FIP1L1: variants seen among roughly 807,000 people sequenced by gnomAD.
FIP1L1 encodes factor interacting with PAPOLA and CPSF1, also known as pre-mRNA 3'-end-processing factor FIP1.
Under a neutral mutation model 84.6 loss-of-function variants are expected in FIP1L1, and 21 were observed. That is an observed-to-expected ratio of 0.25 (90% CI 0.18 to 0.36). FIP1L1 has a LOEUF of 0.36. Ranked by LOEUF, FIP1L1 falls within the 10% of genes least tolerant of loss-of-function variation. The pLI is 1.00. For missense variants in FIP1L1, 526 were observed against 751.1 expected, an observed-to-expected ratio of 0.70 and a Z score of 3.50; for synonymous variants, 263 against 242.3, an observed-to-expected ratio of 1.09 and a Z score of -0.80.
At chr4:53,441,473 A>G (rs1771907571) in intron 13 of FIP1L1, among the ~76,000 whole-genome samples, 2 of 152,072 alleles carry the variant, frequency 1.3e-5, no homozygotes, top group South Asian at 4.1e-4. Context: ...AGTTTAAAAA[A>G]CAATGTGGTT....
chr4:53,401,447 G>A (rs1385622308), intron 10 of FIP1L1, among the ~76,000 whole-genome samples: 1 of 152,202 alleles, frequency 6.6e-6, no homozygotes, highest in Non-Finnish European at 1.5e-5. Flanking sequence ...AGACTACAGA[G>A]TTACTTAGGG....
intron 9 of FIP1L1, among the ~76,000 whole-genome samples, chr4:53,394,824 C>T (rs1746376527): frequency 6.6e-6 from 1 of 151,456 alleles, no homozygotes; most frequent in Non-Finnish European, 1.5e-5. Flanking sequence ...TTTAAAATAG[C>T]TACATAGTTT....
At chr4:53,438,670 C>T (rs763015029) in intron 13 of FIP1L1, among the ~76,000 whole-genome samples, 7 of 152,026 alleles carry the variant, frequency 4.6e-5, no homozygotes, top group Non-Finnish European at 1.0e-4. Context: ...TTTGTCTGTC[C>T]TATGATACTG....
Position 53,459,518 on chromosome 4 carries a change from A to T in FIP1L1, c.*69A>T, listed in dbSNP as rs753810033. ...ACTATAAATCTTGTTATTTTTCTGG[A>T]TAATGTTTAAGAAATTTACCTTAAA... On this transcript the variant is annotated 3_prime_UTR_variant, in exon 18 of 18. Coordinates refer to ENST00000337488, the MANE Select transcript of FIP1L1 (RefSeq NM_030917.4). The T allele has an allele frequency of 6.3e-7, 1 of 1,596,242 alleles. No individual in the cohort carries two copies. The highest frequency in any genetic ancestry group is 1.1e-5 in the South Asian group (1 of 88,504).
chr4:53,405,457 G>C (rs1397449082), intron 10 of FIP1L1, among the ~76,000 whole-genome samples: 3 of 152,012 alleles, frequency 2.0e-5, no homozygotes, highest in Non-Finnish European at 4.4e-5. Context: ...CCTCCAGTTT[G>C]TTCTTTTGGC....
intron 10 of FIP1L1, among the ~76,000 whole-genome samples, chr4:53,408,522 C>T (rs1336951723): frequency 6.6e-6 from 1 of 152,036 alleles, no homozygotes; most frequent in Non-Finnish European, 1.5e-5. Context: ...TCTGTATTTC[C>T]TCAATTTGAA....
At chr4:53,450,266 A>G (rs1392039546) in intron 15 of FIP1L1, among the ~76,000 whole-genome samples, 1 of 152,098 alleles carries the variant, frequency 6.6e-6, no homozygotes, top group Non-Finnish European at 1.5e-5. Context: ...TAATGATTTA[A>G]ATTTATGATG....
intron 4 of FIP1L1, among the ~76,000 whole-genome samples, chr4:53,382,991 A>T (rs1738896085): frequency 6.6e-6 from 1 of 151,874 alleles, no homozygotes; most frequent in South Asian, 2.1e-4. Context: ...CTTCTACTTA[A>T]CTATTTGGTA....
Position 53,459,999 on chromosome 4 carries a change from A to G in FIP1L1, c.*550A>G, listed in dbSNP as rs1721544415. 4.7e-6 allele frequency: 1 copy of G among 211,648 alleles called. No homozygotes were observed. The highest frequency in any genetic ancestry group is 9.6e-6 in the Non-Finnish European group (1 of 104,520). The allele number at this position is 211,648 out of a possible 1,614,324, so 13.1% of individuals were successfully genotyped here. ...TTCCTGGTGAAACCAAATGGGGTAC[A>G]CTTTCATATCCAAATTAATAAAACC... On this transcript the variant is annotated 3_prime_UTR_variant, in exon 18 of 18. Transcript: ENST00000337488.
rs770597324 is a variant in FIP1L1 at position 53,425,865 on chromosome 4, G to A, written c.924-7G>A. On this transcript the variant is annotated splice_polypyrimidine_tract_variant and splice_region_variant and intron_variant, in intron 11 of 17. Transcript: ENST00000337488. ...GAAACTGAATTGATTCAATTTTTAT[G>A]TTACAGGAGATTACCTGGGGCAATT... 71 of 1,599,956 alleles carry A rather than the reference G, an allele frequency of 4.4e-5. No homozygotes were observed. The highest frequency in any genetic ancestry group is 6.8e-5 in the Admixed American group (4 of 59,172).
intron 10 of FIP1L1, among the ~76,000 whole-genome samples, chr4:53,406,663 A>G (rs1288777251): frequency 1.3e-5 from 2 of 152,098 alleles, no homozygotes; most frequent in Admixed American, 6.5e-5. Context: ...TTGGTAAGCT[A>G]TTGATTATTG....
chr4:53,408,515 G>C (rs1755118885), intron 10 of FIP1L1, among the ~76,000 whole-genome samples: 1 of 152,116 alleles, frequency 6.6e-6, no homozygotes. Context: ...GGCGTTCTCT[G>C]TATTTCCTCA....
intron 15 of FIP1L1, among the ~76,000 whole-genome samples, chr4:53,449,796 A>T (rs572406017): frequency 7.9e-5 from 12 of 152,112 alleles, no homozygotes; most frequent in South Asian, 2.1e-4. Flanking sequence ...ACTCTTCAAG[A>T]TTTCTTTTTT....
intron 5 of FIP1L1, among the ~76,000 whole-genome samples, chr4:53,387,225 G>C (rs1741577086): frequency 6.6e-6 from 1 of 152,228 alleles, no homozygotes; most frequent in African/African-American, 2.4e-5. Context: ...GGACTTGGGA[G>C]GCTGAGGTAG....
intron 7 of FIP1L1, 86 bp from the exon 8 acceptor site, chr4:53,390,923 T>C: frequency 8.9e-7 from 1 of 1,122,794 alleles, no homozygotes; most frequent in Admixed American, 2.9e-5. Flanking sequence ...ACTCTAAATT[T>C]ATATTTTTAT....
chr4:53,436,853 C>G (rs1769437567), intron 13 of FIP1L1, among the ~76,000 whole-genome samples: 1 of 145,710 alleles, frequency 6.9e-6, no homozygotes, highest in South Asian at 2.3e-4. Flanking sequence ...GATTTCAGGT[C>G]TTACCCCCAC....
chr4:53,396,111 G>T (rs1001783498), intron 9 of FIP1L1, among the ~76,000 whole-genome samples: 18 of 151,996 alleles, frequency 1.2e-4, no homozygotes, highest in Admixed American at 5.9e-4. Flanking sequence ...TAGAGACAGG[G>T]TTTTGCCATG....
At position 53,452,972 on chromosome 4, in the gene FIP1L1, C is replaced by T. The variant is rs761525146; in HGVS notation, c.1338C>T (p.Asp446=). ...CTCCTTCGTGGCCTAGTCTTGTGGA[C>T]ACCAGCAAGCAGTGGGACTATTATG... ...GSAPSWPSLV[D]TSKQWDYYAR... is the part of the protein sequence containing the mutation. Residue 446 remains aspartate (D), a synonymous_variant, in exon 16 of 18, where the codon GAC becomes GAT. Transcript: ENST00000337488. 1.6e-5 allele frequency: 26 copies of T among 1,613,366 alleles called. No homozygotes were observed. In the African/African-American group the frequency reaches 3.1e-4, roughly 19 times the overall value.
At chr4:53,441,263 G>A (rs1771803797) in intron 13 of FIP1L1, among the ~76,000 whole-genome samples, 1 of 151,906 alleles carries the variant, frequency 6.6e-6, no homozygotes, top group African/African-American at 2.4e-5. Flanking sequence ...AAAAGCCAAG[G>A]TGTGTAAAGA....
Sources: gnomAD v4.1 joint callset for allele counts (sites outside exome capture counted in the v4.1 genomes callset) on GRCh38, gnomAD v4.1.1 for gene constraint, MANE v1.5 for transcripts, NCBI Gene and HGNC (gene_info 2026-07-23, HGNC 2026-07-21) for gene names.